Variants in GPR20 observed in about 807,000 individuals in gnomAD.
GPR20 encodes CTD-3064M3.3.
For synonymous variants in GPR20, 241 were observed against 241.9 expected, an observed-to-expected ratio of 1.00 and a Z score of 0.04; for missense variants, 494 against 527.4, an observed-to-expected ratio of 0.94 and a Z score of 0.62.
At chr8:141,358,585 A>C (rs892418888) in intron 1 of GPR20, among the ~76,000 whole-genome samples, 1 of 152,120 alleles carries the variant, frequency 6.6e-6, no homozygotes, top group Non-Finnish European at 1.5e-5. Flanking sequence ...ACCCACCGTC[A>C]TGGCCCCCAT....
intron 1 of GPR20, among the ~76,000 whole-genome samples, chr8:141,360,378 T>C (rs1490152360): frequency 1.3e-5 from 2 of 152,170 alleles, no homozygotes; most frequent in African/African-American, 2.4e-5. Context: ...AATAGCACAA[T>C]GGGCGTTGAT....
intron 1 of GPR20, among the ~76,000 whole-genome samples, chr8:141,362,786 T>A (rs1458694459): frequency 8.0e-6 from 1 of 124,702 alleles, no homozygotes; most frequent in Admixed American, 7.2e-5. Context: ...CTTTCTTTCT[T>A]TTTTTTTTTT....
In GPR20 at chr8:141,357,250, C is replaced by A; in HGVS notation, c.674G>T (p.Arg225Leu). 1 of 1,545,246 alleles carries A rather than the reference C, an allele frequency of 6.5e-7. No homozygotes were observed. Among genetic ancestry groups the A allele is most frequent in the Non-Finnish European group, 8.7e-7 (1 of 1,149,192 alleles). ...FTGRIMCALSRPGLLHQGRQR... is the reference protein window; with the variant it reads ...FTGRIMCALSLPGLLHQGRQR... ...GCGACCCTGGTGGAGCAGACCCGGC[C>A]GCGACAGTGCACACATGATGCGGCC... The change falls in exon 2 of 2, where the codon CGG becomes CTG. Residue 225 changes from arginine (R) to leucine (L), a missense_variant. Transcript: ENST00000377741.
intron 1 of GPR20, among the ~76,000 whole-genome samples, chr8:141,363,831 C>T (rs368100626): frequency 1.4e-3 from 210 of 152,334 alleles, no homozygotes; most frequent in African/African-American, 4.5e-3. Context: ...AGAGTGGCCC[C>T]GGCCCCAGGG....
Position 141,356,957 on chromosome 8 carries a change from C to G in GPR20, c.967G>C (p.Gly323Arg). Residue 323 changes from glycine (G) to arginine (R), a missense_variant, in exon 2 of 2, where the codon GGT (glycine) becomes CGT (arginine). Physicochemically the swap from Gly to Arg is moderately radical, Grantham distance 125. Coordinates refer to ENST00000377741, the MANE Select transcript of GPR20 (RefSeq NM_005293.3). ...CTCCTGTGCATGCTGACCACGTCACCGCTGCTGGGCTCACGCTCTCCGTGC... is the reference window on the plus strand; with the variant it reads ...CTCCTGTGCATGCTGACCACGTCACGGCTGCTGGGCTCACGCTCTCCGTGC... Reference protein sequence around the residue: ...GQHGEREPSSGDVVSMHRSSK... With the variant: ...GQHGEREPSSRDVVSMHRSSK... 6.2e-7 allele frequency: 1 copy of G among 1,613,076 alleles called. No homozygotes were observed. Among genetic ancestry groups the G allele is most frequent in the Non-Finnish European group, 8.5e-7 (1 of 1,179,990 alleles).
At chr8:141,358,877 C>A (rs930927395) in intron 1 of GPR20, among the ~76,000 whole-genome samples, 5 of 152,110 alleles carry the variant, frequency 3.3e-5, no homozygotes, top group South Asian at 2.1e-4. Context: ...CAAATAAACA[C>A]CGAGCTCCCG....
Position 141,365,021 on chromosome 8 carries a change from G to A in GPR20, c.-25+2180C>T, listed in dbSNP as rs79840958. On this transcript the variant is annotated intron_variant, in intron 1 of 1. Coordinates refer to ENST00000377741, the MANE Select transcript of GPR20 (RefSeq NM_005293.3). ...CCTCAGCCTGGTCCTTCCGCCTGAA[G>A]CTCCTCAGCCTGGTCCTCTCAGCCT... Among the ~76,000 whole-genome samples, 144 of 152,312 alleles carry A rather than the reference G, an allele frequency of 9.5e-4. 3 individuals are homozygous for A. Among genetic ancestry groups the A allele is most frequent in the African/African-American group, 3.3e-3 (136 of 41,560 alleles).
rs1211741963 is a variant in GPR20, at chr8:141,357,877, T to C, written c.47A>G (p.Asn16Ser). ...PAGPSAGAVP[N>S]ATAVTTVRTN... ...CCGCACTGTTGTCACTGCGGTGGCATTGGGGACTGCCCCGGCCGAGGGCCC... is the reference window on the plus strand; with the variant it reads ...CCGCACTGTTGTCACTGCGGTGGCACTGGGGACTGCCCCGGCCGAGGGCCC... The change falls in exon 2 of 2, where the codon AAT (asparagine) becomes AGT (serine). Residue 16 changes from asparagine to serine, a missense_variant. Asn to Ser is a conservative substitution (Grantham distance 46). Coordinates refer to ENST00000377741, the MANE Select transcript of GPR20 (RefSeq NM_005293.3). 1.2e-6 allele frequency: 2 copies of C among 1,603,872 alleles called. No homozygotes were observed. Among genetic ancestry groups the C allele is most frequent in the African/African-American group, 1.3e-5 (1 of 74,716 alleles).
Position 141,357,549 on chromosome 8 carries a change from C to G in GPR20, c.375G>C (p.Pro125=). ...TGTTGAGGAAGTAACCGAGGACGTG[C>G]GGGAAGGCACAGCGCAGGCAGCCCC... ...GARGCLRCAF[P]HVLGYFLNMH... is the part of the protein sequence containing the mutation. Residue 125 remains proline (P), a synonymous_variant, in exon 2 of 2, where the codon CCG becomes CCC. Transcript: ENST00000377741. The G allele has an allele frequency of 1.2e-6, 2 of 1,613,798 alleles. No homozygotes were observed. Among genetic ancestry groups the G allele is most frequent in the Non-Finnish European group, 1.7e-6 (2 of 1,179,994 alleles).
In GPR20 at chr8:141,357,496, C is replaced by T. The variant is rs1206127110; in HGVS notation, c.428G>A (p.Cys143Tyr). The T allele has an allele frequency of 6.2e-7, 1 of 1,613,238 alleles. No individual in the cohort carries two copies. The highest frequency in any genetic ancestry group is 8.5e-7 in the Non-Finnish European group (1 of 1,179,926). Residue 143 changes from cysteine (C) to tyrosine (Y), a missense_variant, in exon 2 of 2, where the codon TGC (cysteine) becomes TAC (tyrosine). Transcript: ENST00000377741. The stretch of plus-strand genomic sequence containing the variant: ...GGCCAGGTAGCGGTCCACGCAGATG[C>T]AGGTGAGGAAGAGGATGGAGCAGTG... ...NMHCSILFLTCICVDRYLAIV... is the reference protein window; with the variant it reads ...NMHCSILFLTYICVDRYLAIV...
chr8:141,359,136 G>A lies in GPR20; in HGVS notation c.-24-1189C>T, dbSNP rs554307264. Among the ~76,000 whole-genome samples, 12 of 152,222 alleles carry A rather than the reference G, an allele frequency of 7.9e-5. No individual in the cohort carries two copies. In the South Asian group the frequency reaches 1.4e-3, roughly 18 times the overall value. On this transcript the variant is annotated intron_variant, in intron 1 of 1. Transcript: ENST00000377741. ...AGCAGGGTGGGGAGGCTCGTGGGCC[G>A]TTTCTTCTGCACAGCGCCCCTCCCC...
At chr8:141,358,282 C>T (rs1039259164) in intron 1 of GPR20, among the ~76,000 whole-genome samples, 7 of 152,332 alleles carry the variant, frequency 4.6e-5, no homozygotes, top group African/African-American at 1.4e-4. Flanking sequence ...GGGCTGTCCT[C>T]GGGATGGAGA....
intron 1 of GPR20, among the ~76,000 whole-genome samples, chr8:141,365,248 TC>T (rs1346463442): frequency 6.6e-6 from 1 of 152,150 alleles, no homozygotes; most frequent in Non-Finnish European, 1.5e-5. Flanking sequence ...GGCTCATCCT[TC>T]CCAGGGTCTT....
chr8:141,366,874 A>T (rs1831821106), intron 1 of GPR20, among the ~76,000 whole-genome samples: 1 of 152,158 alleles, frequency 6.6e-6, no homozygotes, highest in African/African-American at 2.4e-5. Flanking sequence ...ATGCTCGGTG[A>T]GTGTTGAACG....
At chr8:141,364,375 A>C (rs531197280) in intron 1 of GPR20, among the ~76,000 whole-genome samples, 3 of 152,198 alleles carry the variant, frequency 2.0e-5, no homozygotes, top group Admixed American at 1.3e-4. Flanking sequence ...TTTGAATATC[A>C]TCTGCTGTTT....
Position 141,359,396 on chromosome 8 carries a change from G to A in GPR20, c.-24-1449C>T, listed in dbSNP as rs118168381. Among the ~76,000 whole-genome samples the A allele has an allele frequency of 3.2e-3, 490 of 152,344 alleles. 3 individuals are homozygous for A. The highest frequency in any genetic ancestry group is 5.1e-3 in the Non-Finnish European group (346 of 68,028). On this transcript the variant is annotated intron_variant, in intron 1 of 1. Coordinates refer to ENST00000377741, the MANE Select transcript of GPR20 (RefSeq NM_005293.3). ...CCACCTTCTTCCTCAGAGTCAGAGAGGTCAGTGCCTGCATGAGGTCACCCA... is the reference window on the plus strand; with the variant it reads ...CCACCTTCTTCCTCAGAGTCAGAGAAGTCAGTGCCTGCATGAGGTCACCCA...
At chr8:141,367,032 G>A (rs1397718308) in intron 1 of GPR20, among the ~76,000 whole-genome samples, 169 bp downstream of exon 1, 1 of 152,240 alleles carries the variant, frequency 6.6e-6, no homozygotes, top group Non-Finnish European at 1.5e-5. Flanking sequence ...TGTCCAGCAG[G>A]ACCTGCTCTG....
At chr8:141,358,065 C>T in intron 1 of GPR20, 118 bp from the exon 2 acceptor site, 1 of 602,520 alleles carries the variant, frequency 1.7e-6, no homozygotes, top group Non-Finnish European at 2.9e-6. Context: ...CTTCTCCATG[C>T]CCTCGCCTGG....
intron 1 of GPR20, among the ~76,000 whole-genome samples, chr8:141,365,954 G>T (rs535359103): frequency 6.6e-6 from 1 of 152,308 alleles, no homozygotes; most frequent in South Asian, 2.1e-4. Flanking sequence ...GTGCCTCAGG[G>T]GCCCTGGCCT....
Sources: allele counts gnomAD v4.1 joint callset (sites outside exome capture counted in the v4.1 genomes callset), GRCh38; gene constraint gnomAD v4.1.1; transcripts MANE v1.5; gene names NCBI Gene and HGNC (gene_info 2026-07-23, HGNC 2026-07-21).